TENM4: variants seen among roughly 807,000 people sequenced by gnomAD.
TENM4 encodes teneurin-4.
TENM4 carries 82 observed loss-of-function variants against 243.3 expected under a neutral mutation model. The ratio of observed to expected loss-of-function variants is 0.34; its 90% CI spans 0.28 to 0.40. The LOEUF (loss-of-function observed/expected upper bound fraction) is 0.40. TENM4 is among the 10% of genes least tolerant of loss of function. TENM4 has a pLI of 1.00. For missense variants in TENM4, 3,138 were observed against 3,673.3 expected, an observed-to-expected ratio of 0.85 and a Z score of 3.77; for synonymous variants, 1,412 against 1,456.3, an observed-to-expected ratio of 0.97 and a Z score of 0.69.
intron 9 of TENM4, among the ~76,000 whole-genome samples, chr11:78,872,559 T>G (rs1007249147): frequency 1.3e-5 from 2 of 152,172 alleles, no homozygotes; most frequent in East Asian, 3.8e-4. Flanking sequence ...CCATTCCCAG[T>G]GCTATCTGAA....
intron 1 of TENM4, among the ~76,000 whole-genome samples, chr11:79,362,237 T>A (rs1237827420): frequency 6.6e-6 from 1 of 152,194 alleles, no homozygotes; most frequent in Non-Finnish European, 1.5e-5. Flanking sequence ...TTTGCACCAT[T>A]TCACCTCACT....
chr11:79,424,703 G>A (rs1293814364), intron 1 of TENM4, among the ~76,000 whole-genome samples: 1 of 152,066 alleles, frequency 6.6e-6, no homozygotes, highest in Non-Finnish European at 1.5e-5. Context: ...GGGAGGCCGA[G>A]GCGGGCGGAT....
chr11:78,669,276 A>G lies in TENM4; in HGVS notation c.7069T>C (p.Tyr2357His). The G allele has an allele frequency of 6.2e-7, 1 of 1,614,022 alleles. No homozygotes were observed. The highest frequency in any genetic ancestry group is 8.5e-7 in the Non-Finnish European group (1 of 1,179,884). The change falls in exon 32 of 34, where the codon TAC becomes CAC. Residue 2357 changes from tyrosine (Y) to histidine (H), a missense_variant. Physicochemically the swap from Tyr to His is moderately conservative, Grantham distance 83. Around this residue, in one of 2 missense-constraint regions of TENM4, gnomAD observed 2,467 missense variants for 3,059.1 expected, o/e 0.81. Coordinates refer to ENST00000278550, the MANE Select transcript of TENM4 (RefSeq NM_001098816.3). The surrounding 1 kb of genome is among the most constrained non-coding windows in gnomAD (Gnocchi z 6.4). ...GTCCCGATGTTGTCACAAGCTATGT[A>G]AAACTCATCACCACTGCTCAGCTCC... Reference protein sequence around the residue: ...AMELSSGDEFYIACDNIGTPL... With the variant: ...AMELSSGDEFHIACDNIGTPL...
At chr11:78,989,534 A>C (rs748787399) in intron 6 of TENM4, among the ~76,000 whole-genome samples, 1 of 152,246 alleles carries the variant, frequency 6.6e-6, no homozygotes, top group Non-Finnish European at 1.5e-5. Context: ...CATGAAGAAC[A>C]AGTGTTAAGA....
intron 6 of TENM4, among the ~76,000 whole-genome samples, chr11:79,015,980 T>C (rs912072543): frequency 6.6e-6 from 1 of 151,876 alleles, no homozygotes; most frequent in African/African-American, 2.4e-5. Flanking sequence ...GGGAAGAGCA[T>C]ATGTGTAAAA....
Position 79,309,123 on chromosome 11 carries a change from C to T in TENM4, c.-320-11580G>A, listed in dbSNP as rs369495302. ...TCCACTCACCACCAGTGGAGGATGG[C>T]GAGCCTAGTGTTAACAAATCTGACT... On this transcript the variant is annotated intron_variant, in intron 1 of 33. Transcript: ENST00000278550. Among the ~76,000 whole-genome samples, 21 of 152,232 alleles carry T rather than the reference C, an allele frequency of 1.4e-4. No homozygotes were observed. In the East Asian group the frequency reaches 1.9e-3, roughly 14 times the overall value.
At chr11:79,014,374 C>G (rs1049911918) in intron 6 of TENM4, among the ~76,000 whole-genome samples, 4 of 152,152 alleles carry the variant, frequency 2.6e-5, no homozygotes, top group African/African-American at 9.7e-5. Flanking sequence ...GGAGAGGCCA[C>G]CGGAACTTTG....
At chr11:79,413,715 G>A (rs556290620) in intron 1 of TENM4, among the ~76,000 whole-genome samples, 1 of 152,142 alleles carries the variant, frequency 6.6e-6, no homozygotes, top group African/African-American at 2.4e-5. Flanking sequence ...TGAACAATTG[G>A]GGCAATCTGA....
intron 19 of TENM4, among the ~76,000 whole-genome samples, chr11:78,749,028 C>T (rs1218035330): frequency 6.6e-6 from 1 of 152,206 alleles, no homozygotes; most frequent in Non-Finnish European, 1.5e-5. Flanking sequence ...CCACAGCATC[C>T]TCTGCTAATG....
At chr11:79,049,495 G>T (rs11237701) in intron 6 of TENM4, among the ~76,000 whole-genome samples, 3 of 152,206 alleles carry the variant, frequency 2.0e-5, no homozygotes, top group Non-Finnish European at 4.4e-5. Context: ...AGTCCAAGAG[G>T]CAGGGGGCAG....
chr11:79,143,640 A>G (rs1361426130), intron 4 of TENM4, among the ~76,000 whole-genome samples: 1 of 152,052 alleles, frequency 6.6e-6, no homozygotes, highest in Non-Finnish European at 1.5e-5. Flanking sequence ...ACAAACCTGC[A>G]TGTTGTGCAC....
At chr11:78,822,858 G>A (rs914906185) in intron 12 of TENM4, among the ~76,000 whole-genome samples, 19 of 152,152 alleles carry the variant, frequency 1.2e-4, no homozygotes, top group African/African-American at 3.4e-4. Context: ...GTTCGTGGCC[G>A]GGCAGAGGGC....
chr11:79,374,563 T>G (rs1008977201), intron 1 of TENM4, among the ~76,000 whole-genome samples: 17 of 151,844 alleles, frequency 1.1e-4, no homozygotes, highest in African/African-American at 4.1e-4. Context: ...TATATAGATA[T>G]AGATATATCT....
chr11:78,759,164 C>G (rs1359191501), intron 18 of TENM4, among the ~76,000 whole-genome samples: 1 of 152,168 alleles, frequency 6.6e-6, no homozygotes, highest in Non-Finnish European at 1.5e-5. Context: ...CCAGCATTGA[C>G]CTGCATCCTA....
intron 9 of TENM4, among the ~76,000 whole-genome samples, chr11:78,886,892 A>G (rs1565423887): frequency 6.6e-6 from 1 of 152,208 alleles, no homozygotes; most frequent in African/African-American, 2.4e-5. Context: ...AAATTCTTCA[A>G]AATTGACCTT....
intron 6 of TENM4, among the ~76,000 whole-genome samples, chr11:78,983,057 A>G (rs1261543811): frequency 6.6e-6 from 1 of 152,194 alleles, no homozygotes; most frequent in African/African-American, 2.4e-5. Context: ...TTGACCTTCA[A>G]TACCCTTGCC....
chr11:79,306,493 A>G (rs1049725222), intron 1 of TENM4, among the ~76,000 whole-genome samples: 2 of 152,134 alleles, frequency 1.3e-5, no homozygotes, highest in Non-Finnish European at 2.9e-5. Context: ...GACCACAGTA[A>G]GGAAAGGAGG....
chr11:79,257,067 G>A (rs2135316102), intron 2 of TENM4, among the ~76,000 whole-genome samples: 1 of 152,252 alleles, frequency 6.6e-6, no homozygotes, highest in East Asian at 1.9e-4. Flanking sequence ...AATGAAGGAA[G>A]GCAGGAGCAT....
intron 2 of TENM4, among the ~76,000 whole-genome samples, chr11:79,251,407 C>T (rs1404047257): frequency 6.6e-6 from 1 of 152,168 alleles, no homozygotes; most frequent in African/African-American, 2.4e-5. Context: ...TTTATATCAC[C>T]CGTGGGTTGC....
Sources: gnomAD v4.1 joint callset for allele counts (sites outside exome capture counted in the v4.1 genomes callset) on GRCh38, gnomAD v4.1.1 for gene constraint, gnomAD v4.1.1 regional missense constraint, Gnocchi (gnomAD v3.1) non-coding constraint, MANE v1.5 for transcripts, NCBI Gene and HGNC (gene_info 2026-07-23, HGNC 2026-07-21) for gene names.